Variants in PRKAR1B observed in about 807,000 individuals in gnomAD.
The protein encoded by PRKAR1B is cAMP-dependent protein kinase type I-beta regulatory subunit.
Under a neutral mutation model 46.5 loss-of-function variants are expected in PRKAR1B, and 22 were observed. The observed-to-expected ratio is 0.47, with a 90% CI of 0.34 to 0.68. PRKAR1B has a LOEUF of 0.68. Among genes scored for constraint, PRKAR1B ranks in the 30% least tolerant of loss-of-function variants. PRKAR1B has a pLI of 0.01. For missense variants in PRKAR1B, 445 were observed against 535.6 expected (o/e 0.83, Z 1.67); for synonymous variants, 259 against 217.7 (o/e 1.19, Z -1.67).
At position 705,886 on chromosome 7, in the gene PRKAR1B, C is replaced by T. The variant is rs144842164; in HGVS notation, c.177+5443G>A. 2.8e-4 allele frequency among the ~76,000 whole-genome samples: 42 copies of T among 152,154 alleles called. 1 individual carries two copies. In the East Asian group the frequency reaches 7.9e-3, roughly 29 times the overall value. ...TACTGAAAATATAAAATTAGCCGGG[C>T]GTGGTGGCAGGCGCCTGTAATCCCA... On this transcript the variant is annotated intron_variant, in intron 2 of 10. Transcript: ENST00000537384.
At chr7:626,578 G>A (rs926052478) in intron 4 of PRKAR1B, among the ~76,000 whole-genome samples, 1 of 151,788 alleles carries the variant, frequency 6.6e-6, no homozygotes, top group South Asian at 2.1e-4. Flanking sequence ...TATTTAGGAA[G>A]AAATAATACC....
chr7:586,569 C>T (rs1261629062), intron 7 of PRKAR1B, among the ~76,000 whole-genome samples: 2 of 152,222 alleles, frequency 1.3e-5, no homozygotes, highest in African/African-American at 2.4e-5. Context: ...TTCTGATCCC[C>T]CCAGCCCGAG....
At chr7:635,245 C>T (rs940208289) in intron 4 of PRKAR1B, among the ~76,000 whole-genome samples, 5 of 152,264 alleles carry the variant, frequency 3.3e-5, no homozygotes, top group Non-Finnish European at 5.9e-5. Flanking sequence ...ACCAGCTGAG[C>T]AGGGGTCCCT....
chr7:576,046 C>G (rs534967351), intron 9 of PRKAR1B, among the ~76,000 whole-genome samples: 2 of 149,156 alleles, frequency 1.3e-5, no homozygotes, highest in Non-Finnish European at 3.0e-5. Flanking sequence ...CCTCTGCACA[C>G]GGGCAAATGT....
intron 4 of PRKAR1B, among the ~76,000 whole-genome samples, chr7:662,603 C>T (rs1319221982): frequency 2.0e-5 from 3 of 149,774 alleles, no homozygotes; most frequent in Non-Finnish European, 4.5e-5. Flanking sequence ...AGCACAAGTC[C>T]CCACCCCAAC....
intron 4 of PRKAR1B, among the ~76,000 whole-genome samples, chr7:625,745 G>A (rs1393544677): frequency 6.6e-6 from 1 of 152,206 alleles, no homozygotes; most frequent in African/African-American, 2.4e-5. Context: ...GGTGGCTCAT[G>A]CCTGTAATCC....
At chr7:596,923 G>A (rs760426749) in intron 6 of PRKAR1B, among the ~76,000 whole-genome samples, 3 of 152,280 alleles carry the variant, frequency 2.0e-5, no homozygotes, top group African/African-American at 4.8e-5. Context: ...CTGAATGGGC[G>A]CCCTATGGCT....
intron 4 of PRKAR1B, among the ~76,000 whole-genome samples, chr7:637,191 G>A (rs1784158237): frequency 6.6e-6 from 1 of 152,198 alleles, no homozygotes; most frequent in South Asian, 2.1e-4. Context: ...GGAGGCTGAG[G>A]TGGGAGGATC....
At chr7:679,450 C>T (rs1737727211) in intron 3 of PRKAR1B, among the ~76,000 whole-genome samples, 1 of 152,252 alleles carries the variant, frequency 6.6e-6, no homozygotes, top group Non-Finnish European at 1.5e-5. Flanking sequence ...CGTGGTTAGA[C>T]TGAAGTTCTG....
At chr7:678,434 C>T (rs1194185340) in intron 3 of PRKAR1B, among the ~76,000 whole-genome samples, 1 of 152,192 alleles carries the variant, frequency 6.6e-6, no homozygotes, top group African/African-American at 2.4e-5. Flanking sequence ...GTCACCCCAC[C>T]GTGCAAAGAT....
At chr7:588,189 C>T (rs370750758) in intron 7 of PRKAR1B, among the ~76,000 whole-genome samples, 4 of 152,200 alleles carry the variant, frequency 2.6e-5, no homozygotes, top group East Asian at 3.8e-4. Context: ...AGCCCAACTT[C>T]CATGATGGGG....
chr7:578,044 G>A (rs901724452), intron 9 of PRKAR1B, among the ~76,000 whole-genome samples: 13 of 152,230 alleles, frequency 8.5e-5, no homozygotes, highest in Admixed American at 2.0e-4. Context: ...GGGCGGGAGC[G>A]CCCGGGTGTT....
At chr7:698,814 G>A (rs1181207186) in intron 2 of PRKAR1B, among the ~76,000 whole-genome samples, 5 of 152,118 alleles carry the variant, frequency 3.3e-5, no homozygotes, top group African/African-American at 1.2e-4. Context: ...GCATGTGTGT[G>A]CATCTGGGCG....
intron 6 of PRKAR1B, among the ~76,000 whole-genome samples, chr7:600,679 C>T (rs964173701): frequency 3.9e-5 from 6 of 152,126 alleles, no homozygotes; most frequent in African/African-American, 9.7e-5. Flanking sequence ...AAGCCCGGAA[C>T]GGCCAGCGTC....
At chr7:713,245 G>C (rs976032289) in intron 1 of PRKAR1B, 1 of 152,456 alleles carries the variant, frequency 6.6e-6, no homozygotes, top group Non-Finnish European at 1.5e-5. Flanking sequence ...TGCCAGGAGA[G>C]GGGTAGGCAG....
intron 6 of PRKAR1B, chr7:603,250 A>G (rs1355663366): frequency 3.9e-5 from 6 of 152,208 alleles, no homozygotes; most frequent in African/African-American, 1.4e-4. Context: ...GGACCTATGG[A>G]GCTCCCAGGC....
Position 577,069 on chromosome 7 carries a change from A to G in PRKAR1B, c.891+2187T>C, listed in dbSNP as rs994941653. Among the ~76,000 whole-genome samples the G allele has an allele frequency of 3.3e-5, 5 of 150,234 alleles. No homozygotes were observed. In the South Asian group the frequency reaches 6.3e-4, roughly 19 times the overall value. On this transcript the variant is annotated intron_variant, in intron 9 of 10. Coordinates refer to ENST00000537384, the MANE Select transcript of PRKAR1B (RefSeq NM_001164760.2). ...CCAACTCCATCAGTCACCTCACCCAATGCCATCAGCGGCCTCATCCAACTC... is the reference window on the plus strand; with the variant it reads ...CCAACTCCATCAGTCACCTCACCCAGTGCCATCAGCGGCCTCATCCAACTC...
intron 9 of PRKAR1B, chr7:565,327 A>G (rs1195761552): frequency 1.3e-5 from 2 of 152,234 alleles, no homozygotes; most frequent in Non-Finnish European, 2.9e-5. Flanking sequence ...CTACTAAGCA[A>G]TATGTCCCTC....
intron 6 of PRKAR1B, 103 bp from the exon 7 acceptor site, chr7:596,407 C>T: frequency 5.0e-6 from 7 of 1,402,374 alleles, no homozygotes; most frequent in Non-Finnish European, 6.7e-6. Flanking sequence ...AAGAGGGTCC[C>T]CGCAGGGCGG....
Sources: gnomAD v4.1 joint callset for allele counts (sites outside exome capture counted in the v4.1 genomes callset) on GRCh38, gnomAD v4.1.1 for gene constraint, MANE v1.5 for transcripts, NCBI Gene and HGNC (gene_info 2026-07-23, HGNC 2026-07-21) for gene names.